The following TRPM3 variants were observed in gnomAD, a reference collection of about 807,000 sequenced individuals.
TRPM3 encodes transient receptor potential cation channel subfamily M member 3.
A neutral mutation model predicts 181.2 loss-of-function variants in TRPM3; 77 were observed. The ratio of observed to expected loss-of-function variants is 0.42; its 90% CI spans 0.35 to 0.51. TRPM3 has a LOEUF of 0.51. Ranked by LOEUF, TRPM3 falls within the 20% of genes least tolerant of loss-of-function variation. The probability of loss-of-function intolerance (pLI) is 0.01; values close to 1 mark genes in which losing one functional copy is unlikely to be tolerated. For synonymous variants in TRPM3, 745 were observed against 796.4 expected (o/e 0.94, Z 1.09); for missense variants, 1,759 against 2,196.7 (o/e 0.80, Z 3.98).
At chr9:70,624,674 C>T (rs2064209522) in intron 14 of TRPM3, among the ~76,000 whole-genome samples, 1 of 152,120 alleles carries the variant, frequency 6.6e-6, no homozygotes, top group Non-Finnish European at 1.5e-5. Flanking sequence ...ATACTTTAAC[C>T]AGAATATCCT....
intron 7 of TRPM3, among the ~76,000 whole-genome samples, chr9:70,766,314 A>T (rs1207063286): frequency 1.3e-5 from 2 of 152,172 alleles, no homozygotes; most frequent in East Asian, 3.9e-4. Flanking sequence ...GAATTTAATT[A>T]CCTGCAAATT....
chr9:70,757,320 T>C (rs1388135306), intron 8 of TRPM3, among the ~76,000 whole-genome samples: 3 of 152,062 alleles, frequency 2.0e-5, no homozygotes, highest in Admixed American at 1.3e-4. Context: ...AAAAACAAGT[T>C]CTGAAATTGA....
chr9:70,614,025 C>T (rs1281758582), intron 18 of TRPM3, among the ~76,000 whole-genome samples: 3 of 152,132 alleles, frequency 2.0e-5, no homozygotes, highest in Admixed American at 6.5e-5. Context: ...TGGACCAAAT[C>T]GGCTGAGTGG....
At chr9:70,933,223 T>C (rs988550027) in intron 1 of TRPM3, among the ~76,000 whole-genome samples, 2 of 152,218 alleles carry the variant, frequency 1.3e-5, no homozygotes, top group South Asian at 2.1e-4. Context: ...GGGTGTGTGA[T>C]ACGGACCTAG....
chr9:71,096,262 AT>A (rs930535938), intron 1 of TRPM3, among the ~76,000 whole-genome samples: 1 of 149,358 alleles, frequency 6.7e-6, no homozygotes, highest in Non-Finnish European at 1.5e-5. Context: ...AGTCCCTCTT[AT>A]TTCAATCAAT....
intron 19 of TRPM3, among the ~76,000 whole-genome samples, chr9:70,605,134 T>C (rs1196824184): frequency 3.3e-5 from 5 of 151,924 alleles, no homozygotes; most frequent in East Asian, 3.9e-4. Context: ...TTTGTATTTT[T>C]AGTAGAGACT....
chr9:71,318,244 A>C (rs542409926), intron 1 of TRPM3, among the ~76,000 whole-genome samples: 260 of 152,340 alleles, frequency 1.7e-3, no homozygotes, highest in Middle Eastern at 6.8e-3. Flanking sequence ...ATAGGAGATG[A>C]CATTGTGTAA....
In TRPM3 at chr9:70,620,244, C is replaced by T. The variant is rs1368995138; in HGVS notation, c.1961G>A (p.Trp654Ter). ...FPFPFHELMV[W>*]AVLMKRQKMA... is the part of the protein sequence containing the mutation. ...CTTCTGCCGCTTCATGAGAACAGCC[C>T]ACACCATGAGCTCATGGAAAGGGAA... The change falls in exon 16 of 26, where the codon TGG becomes TAG. Residue 654 changes from tryptophan (W) to a stop codon, truncating the protein, a stop_gained. Transcript: ENST00000677713. LOFTEE classifies it high-confidence loss of function. 6.2e-7 allele frequency: 1 copy of T among 1,614,102 alleles called. No individual in the cohort carries two copies. Among genetic ancestry groups the T allele is most frequent in the African/African-American group, 1.3e-5 (1 of 74,938 alleles).
intron 1 of TRPM3, among the ~76,000 whole-genome samples, chr9:71,261,274 C>T (rs1397315363): frequency 6.6e-6 from 1 of 152,118 alleles, no homozygotes; most frequent in Non-Finnish European, 1.5e-5. Context: ...CTCTGATATC[C>T]TTTCTTCCGC....
chr9:70,592,173 C>G (rs115729215), intron 21 of TRPM3, among the ~76,000 whole-genome samples: 346 of 152,228 alleles, frequency 2.3e-3, no homozygotes, highest in African/African-American at 7.9e-3. Context: ...CCATTACCTC[C>G]TCCTTTTATA....
chr9:70,603,537 A>G, intron 19 of TRPM3, 67 bp from the exon 20 acceptor site: 1 of 1,587,032 alleles, frequency 6.3e-7, no homozygotes, highest in East Asian at 2.2e-5. Context: ...AGCCAAGGCC[A>G]CTGCACAGCA....
intron 1 of TRPM3, among the ~76,000 whole-genome samples, chr9:71,010,932 T>TACACAC (rs60869396): frequency 2.3e-4 from 34 of 147,200 alleles, no homozygotes; most frequent in East Asian, 2.2e-3. Flanking sequence ...CACACACACA[T>TACACAC]ACACACACAC....
At chr9:70,592,849 C>A (rs1328442440) in intron 21 of TRPM3, among the ~76,000 whole-genome samples, 2 of 152,066 alleles carry the variant, frequency 1.3e-5, no homozygotes. Flanking sequence ...TCTGCCTCAG[C>A]CTCCTGAGTA....
chr9:70,770,072 T>C (rs916423753), intron 7 of TRPM3, among the ~76,000 whole-genome samples: 1 of 151,734 alleles, frequency 6.6e-6, no homozygotes, highest in Non-Finnish European at 1.5e-5. Context: ...ATTATTGGTC[T>C]CTATCTTTAT....
intron 1 of TRPM3, among the ~76,000 whole-genome samples, chr9:71,226,728 A>T (rs1014219399): frequency 6.6e-6 from 1 of 152,126 alleles, no homozygotes. Flanking sequence ...GAGCACCCAG[A>T]TATTTAGAGC....
chr9:71,137,695 A>G (rs992471942), intron 1 of TRPM3, among the ~76,000 whole-genome samples: 1 of 152,248 alleles, frequency 6.6e-6, no homozygotes, highest in African/African-American at 2.4e-5. Context: ...AAGGAGTAAC[A>G]TGCAAGAGAG....
intron 5 of TRPM3, among the ~76,000 whole-genome samples, chr9:70,841,661 T>TATATATATATATATATATATGA (rs1339698170): frequency 3.5e-5 from 3 of 86,080 alleles, no homozygotes; most frequent in African/African-American, 1.4e-4. Flanking sequence ...TATATATATA[T>TATATATATATATATATATATGA]CCCACCATAT....
chr9:70,780,791 A>ACTT (rs1429125433), intron 7 of TRPM3, among the ~76,000 whole-genome samples: 2 of 152,108 alleles, frequency 1.3e-5, no homozygotes, highest in African/African-American at 2.4e-5. Flanking sequence ...TTCTCTTTAG[A>ACTT]CTTCTATTTT....
At position 71,114,513 on chromosome 9, in the gene TRPM3, T is replaced by C. The variant is rs77946554; in HGVS notation, c.177+6665A>G. 6.1e-3 allele frequency among the ~76,000 whole-genome samples: 933 copies of C among 152,330 alleles called. 8 individuals carry two copies. Among genetic ancestry groups the C allele is most frequent in the African/African-American group, 0.021 (880 of 41,560 alleles). On this transcript the variant is annotated intron_variant, in intron 1 of 25. Coordinates refer to ENST00000677713, the MANE Select transcript of TRPM3 (RefSeq NM_001366145.2). ...AAAATTTTCCAAGTATAAAATTAAT[T>C]GTAAATATAATTATGCTTTTCCAAA...
Sources: gnomAD v4.1 joint callset for allele counts (sites outside exome capture counted in the v4.1 genomes callset) on GRCh38, gnomAD v4.1.1 for gene constraint, MANE v1.5 for transcripts, NCBI Gene and HGNC (gene_info 2026-07-23, HGNC 2026-07-21) for gene names.